The following MED27 variants were observed in gnomAD, a reference collection of about 807,000 sequenced individuals.
MED27 encodes mediator complex subunit 27.
A neutral mutation model predicts 38.2 loss-of-function variants in MED27; 30 were observed. The ratio of observed to expected loss-of-function variants is 0.79; its 90% CI spans 0.59 to 1.07. MED27 has a LOEUF of 1.07. MED27 is among the 50% of genes least tolerant of loss of function. The pLI, the probability that MED27 is intolerant of heterozygous loss-of-function variation, is 0.00. For synonymous variants in MED27, 122 were observed against 153.5 expected (o/e 0.79, Z 1.52); for missense variants, 289 against 397.5 (o/e 0.73, Z 2.32).
chr9:131,901,372 C>A (rs1379100668), intron 4 of MED27, among the ~76,000 whole-genome samples: 1 of 151,356 alleles, frequency 6.6e-6, no homozygotes, highest in South Asian at 2.1e-4. Flanking sequence ...ATCATTTTCT[C>A]TAACTCTCCC....
intron 3 of MED27, among the ~76,000 whole-genome samples, chr9:131,981,622 C>T (rs1176946912): frequency 1.3e-5 from 2 of 152,162 alleles, no homozygotes; most frequent in Non-Finnish European, 2.9e-5. Flanking sequence ...CAGCCTGGGC[C>T]GTTGAAGCTG....
At chr9:131,989,524 A>G (rs1474213209) in intron 3 of MED27, among the ~76,000 whole-genome samples, 1 of 152,170 alleles carries the variant, frequency 6.6e-6, no homozygotes, top group Non-Finnish European at 1.5e-5. Context: ...CATCCTAACC[A>G]TTTTTAAAAA....
chr9:132,005,496 A>T (rs1232732028), intron 3 of MED27, among the ~76,000 whole-genome samples: 1 of 152,182 alleles, frequency 6.6e-6, no homozygotes, highest in Non-Finnish European at 1.5e-5. Flanking sequence ...GGTAATGTCT[A>T]TAGTGCTCCT....
At chr9:132,071,947 T>C (rs967834791) in intron 2 of MED27, among the ~76,000 whole-genome samples, 2 of 151,748 alleles carry the variant, frequency 1.3e-5, no homozygotes, top group Non-Finnish European at 2.9e-5. Flanking sequence ...CAGAGGCATA[T>C]GAGTAACATG....
intron 5 of MED27, among the ~76,000 whole-genome samples, chr9:131,890,573 C>T (rs1839211917): frequency 6.6e-6 from 1 of 152,170 alleles, no homozygotes; most frequent in African/African-American, 2.4e-5. Flanking sequence ...TTTGATTCTC[C>T]ACTTTCCATT....
At chr9:131,873,315 T>C (rs879904530) in intron 6 of MED27, among the ~76,000 whole-genome samples, 2 of 152,182 alleles carry the variant, frequency 1.3e-5, no homozygotes, top group African/African-American at 2.4e-5. Context: ...GAAGTACTCA[T>C]TCCATGAAAA....
At chr9:131,879,412 T>C (rs1461053163) in intron 6 of MED27, among the ~76,000 whole-genome samples, 2 of 152,154 alleles carry the variant, frequency 1.3e-5, no homozygotes, top group East Asian at 3.9e-4. Context: ...CCTAACACAG[T>C]GACTGCAACC....
At chr9:132,007,969 A>G (rs943236036) in intron 3 of MED27, among the ~76,000 whole-genome samples, 7 of 152,126 alleles carry the variant, frequency 4.6e-5, no homozygotes, top group Non-Finnish European at 1.0e-4. Flanking sequence ...GCATGGAGGT[A>G]ATAGTTTTCA....
rs780679914 is a variant in MED27, at chr9:131,860,531, G to A, written c.*7C>T. On this transcript the variant is annotated 3_prime_UTR_variant, in exon 8 of 8. Coordinates refer to ENST00000292035, the MANE Select transcript of MED27 (RefSeq NM_004269.4). This position sits in a 1 kb window ranked among gnomAD's most constrained non-coding sequence, Gnocchi z 5.8. ...GGTGGGGTCTGAGGCTGGGGCCAGC[G>A]TGGGGGCTACTGCCGGCAGGTGTCA... 126 of 1,517,322 alleles carry A rather than the reference G, an allele frequency of 8.3e-5. 1 individual carries two copies. The East Asian group carries it at 9.3e-4, about 11-fold the overall frequency. The allele number at this position is 1,517,322 out of a possible 1,614,324, so 94.0% of individuals were successfully genotyped here.
chr9:131,863,768 T>C (rs1838691125), intron 6 of MED27, among the ~76,000 whole-genome samples: 1 of 152,104 alleles, frequency 6.6e-6, no homozygotes, highest in Non-Finnish European at 1.5e-5. Context: ...GCGCCTGGTG[T>C]GGTCCCCTCA....
intron 6 of MED27, among the ~76,000 whole-genome samples, chr9:131,867,614 G>A (rs1293013894): frequency 6.6e-6 from 1 of 152,220 alleles, no homozygotes; most frequent in Non-Finnish European, 1.5e-5. Flanking sequence ...GAATGGTGCT[G>A]CTTGAAATGT....
intron 3 of MED27, among the ~76,000 whole-genome samples, chr9:131,989,287 G>C (rs573558265): frequency 2.2e-4 from 34 of 152,220 alleles, no homozygotes; most frequent in Middle Eastern, 3.4e-3. Flanking sequence ...ATTCCTCTTA[G>C]AAAACAAGCT....
At chr9:131,874,182 T>C (rs1420994821) in intron 6 of MED27, among the ~76,000 whole-genome samples, 1 of 152,224 alleles carries the variant, frequency 6.6e-6, no homozygotes, top group Non-Finnish European at 1.5e-5. Flanking sequence ...CGCACGTCTG[T>C]GCTCAAGTGG....
At chr9:131,879,830 A>G (rs7036658) in intron 6 of MED27, among the ~76,000 whole-genome samples, 83,236 of 152,140 alleles carry the variant, frequency 0.55, 24,347 homozygotes, top group Middle Eastern at 0.68. Context: ...AGCAACATCA[A>G]TCATGACACC....
intron 5 of MED27, among the ~76,000 whole-genome samples, chr9:131,892,066 G>A (rs766954769): frequency 1.3e-5 from 2 of 151,912 alleles, no homozygotes; most frequent in Admixed American, 6.6e-5. Flanking sequence ...TGAGGAACAC[G>A]GGAAGTCTGA....
chr9:131,907,026 A>G (rs1830076739), intron 4 of MED27, among the ~76,000 whole-genome samples: 1 of 152,312 alleles, frequency 6.6e-6, no homozygotes, highest in Middle Eastern at 3.4e-3. Context: ...ATGCATTATA[A>G]TTAGCATATA....
chr9:131,962,288 C>T (rs974034991), intron 3 of MED27, among the ~76,000 whole-genome samples: 1 of 152,202 alleles, frequency 6.6e-6, no homozygotes, highest in East Asian at 1.9e-4. Flanking sequence ...CCAGGCTGGA[C>T]TGCAGAGGCA....
At chr9:131,873,145 G>C (rs1007419695) in intron 6 of MED27, among the ~76,000 whole-genome samples, 3 of 152,200 alleles carry the variant, frequency 2.0e-5, no homozygotes, top group African/African-American at 7.2e-5. Flanking sequence ...GTAAGGAGAG[G>C]GACAGTAGGA....
intron 4 of MED27, among the ~76,000 whole-genome samples, chr9:131,896,800 C>T (rs1253745479): frequency 6.6e-6 from 1 of 152,192 alleles, no homozygotes; most frequent in Non-Finnish European, 1.5e-5. Flanking sequence ...GGTGCCATCT[C>T]GGCTCACTGT....
Sources: allele counts gnomAD v4.1 joint callset (sites outside exome capture counted in the v4.1 genomes callset), GRCh38; gene constraint gnomAD v4.1.1; non-coding constraint Gnocchi (gnomAD v3.1); transcripts MANE v1.5; gene names NCBI Gene and HGNC (gene_info 2026-07-23, HGNC 2026-07-21).